HDGFL3: variants seen among roughly 807,000 people sequenced by gnomAD.
HDGFL3 encodes the protein hepatoma-derived growth factor-related protein 3.
HDGFL3 carries 6 observed loss-of-function variants against 27.6 expected under a neutral mutation model. The ratio of observed to expected loss-of-function variants is 0.22; its 90% CI spans 0.12 to 0.43. The LOEUF (loss-of-function observed/expected upper bound fraction) is 0.43, where lower values mean the gene tolerates loss of function less well. HDGFL3 is among the 20% of genes least tolerant of loss of function. The pLI is 1.00. For synonymous variants in HDGFL3, 88 were observed against 88.9 expected (o/e 0.99, Z 0.05); for missense variants, 207 against 250.1 (o/e 0.83, Z 1.16).
rs1308885598 is a variant in HDGFL3 at position 83,207,618 on chromosome 15, C to T, written c.-204G>A. The T allele has an allele frequency of 1.1e-5, 3 of 269,542 alleles. No homozygotes were observed. Among genetic ancestry groups the T allele is most frequent in the South Asian group, 1.5e-4 (1 of 6,674 alleles). 16.7% of individuals were successfully genotyped at this position (269,542 alleles called of 1,614,324 possible). A position where few individuals can be genotyped will look rare whatever the true frequency, so the allele number is the denominator to read the frequency against. On this transcript the variant is annotated 5_prime_UTR_variant, in exon 1 of 6. Coordinates refer to ENST00000299633, the MANE Select transcript of HDGFL3 (RefSeq NM_016073.4). This position sits in a 1 kb window ranked among gnomAD's most constrained non-coding sequence, Gnocchi z 4.8. ...GCAGCAGGCCCGGCAAATCACGGCCCGGCAGCGGGGGAGGGGAGCCCCCGG... is the reference window on the plus strand; with the variant it reads ...GCAGCAGGCCCGGCAAATCACGGCCTGGCAGCGGGGGAGGGGAGCCCCCGG...
intron 1 of HDGFL3, among the ~76,000 whole-genome samples, chr15:83,206,185 G>C (rs56352317): frequency 1.3e-5 from 2 of 152,016 alleles, no homozygotes; most frequent in Admixed American, 1.3e-4. Context: ...ATTTCAGTCT[G>C]GCCACTCGTG....
intron 5 of HDGFL3, among the ~76,000 whole-genome samples, chr15:83,141,005 C>G (rs1023258148): frequency 6.6e-6 from 1 of 152,070 alleles, no homozygotes; most frequent in Non-Finnish European, 1.5e-5. Flanking sequence ...TTTTTGTGGT[C>G]TTTAAACAAG....
chr15:83,124,803 A>C (rs1245497409), downstream of HDGFL3: 3 of 1,533,638 alleles, frequency 2.0e-6, no homozygotes, highest in Non-Finnish European at 2.7e-6. Flanking sequence ...ATAATAACGT[A>C]ACATTGTGAT....
At chr15:83,151,508 G>A in intron 4 of HDGFL3, 147 bp from the exon 5 acceptor site, 1 of 626,116 alleles carries the variant, frequency 1.6e-6, no homozygotes, top group Non-Finnish European at 2.6e-6. Context: ...TGCCAAGGCT[G>A]AGCTAGGTGA....
intron 1 of HDGFL3, among the ~76,000 whole-genome samples, chr15:83,172,956 T>C (rs1399991887): frequency 2.6e-5 from 4 of 152,168 alleles, no homozygotes; most frequent in Non-Finnish European, 4.4e-5. Flanking sequence ...GGGGTTGTCT[T>C]GCTGTCTCAG....
intron 3 of HDGFL3, among the ~76,000 whole-genome samples, chr15:83,118,425 G>C (rs1371005467): frequency 2.0e-5 from 3 of 152,216 alleles, no homozygotes; most frequent in Non-Finnish European, 4.4e-5. Flanking sequence ...CTGGCTCAGA[G>C]AGCCAGGTGT....
At chr15:83,124,091 T>TG (rs2035511487), downstream of HDGFL3, among the ~76,000 whole-genome samples, 1 of 152,218 alleles carries the variant, frequency 6.6e-6, no homozygotes, top group African/African-American at 2.4e-5. Context: ...TATCCAACAG[T>TG]GGGAGAATGG....
In HDGFL3 at chr15:83,136,384, C is replaced by T. The variant is rs2036607114; in HGVS notation, c.*2886G>A. ...CTGCAGGTGAGACTGGTTTTGAGGG[C>T]ACAGAAACGTAGCCTGAATGAACCA... On this transcript the variant is annotated 3_prime_UTR_variant, in exon 6 of 6. Coordinates refer to ENST00000299633, the MANE Select transcript of HDGFL3 (RefSeq NM_016073.4). 13 of 1,047,408 alleles carry T rather than the reference C, an allele frequency of 1.2e-5. No individual in the cohort carries two copies. In the Admixed American group the frequency reaches 4.0e-4, roughly 32 times the overall value. 64.9% of individuals were successfully genotyped at this position (1,047,408 alleles called of 1,614,324 possible).
downstream of HDGFL3, among the ~76,000 whole-genome samples, chr15:83,125,150 T>A (rs550357550): frequency 5.9e-5 from 9 of 152,320 alleles, no homozygotes; most frequent in East Asian, 1.7e-3. Flanking sequence ...AGCATCCCTG[T>A]GTTCTCAGGA....
chr15:83,143,573 C>T (rs910867421), intron 5 of HDGFL3, among the ~76,000 whole-genome samples: 2 of 152,278 alleles, frequency 1.3e-5, no homozygotes, highest in South Asian at 2.1e-4. Flanking sequence ...CAGAGCGAAA[C>T]TCCATCTCAA....
At chr15:83,156,555 T>C (rs1280525900) in intron 4 of HDGFL3, among the ~76,000 whole-genome samples, 1 of 152,162 alleles carries the variant, frequency 6.6e-6, no homozygotes, top group Non-Finnish European at 1.5e-5. Flanking sequence ...AAATATATCT[T>C]TTTACAGTCA....
chr15:83,191,104 T>C lies in HDGFL3; in HGVS notation c.84+16227A>G, dbSNP rs1047214939. 2.6e-5 allele frequency among the ~76,000 whole-genome samples: 4 copies of C among 152,204 alleles called. No homozygotes were observed. The East Asian group carries it at 7.7e-4, about 29-fold the overall frequency. ...TGTGGGCCGGTTTCTGTATTCACTT[T>C]CTATTCTGCTGGTTAATACATCTCT... On this transcript the variant is annotated intron_variant, in intron 1 of 5. Coordinates refer to ENST00000299633, the MANE Select transcript of HDGFL3 (RefSeq NM_016073.4).
chr15:83,147,098 C>G (rs1352276446), intron 5 of HDGFL3, among the ~76,000 whole-genome samples: 4 of 151,702 alleles, frequency 2.6e-5, no homozygotes, highest in African/African-American at 9.7e-5. Context: ...GAATCTCGCT[C>G]TGTCACCAGG....
chr15:83,137,467 C>T lies in HDGFL3; in HGVS notation c.*1803G>A, dbSNP rs1432861537. The T allele has an allele frequency of 2.0e-5, 3 of 151,992 alleles. No individual in the cohort carries two copies. Among genetic ancestry groups the T allele is most frequent in the African/African-American group, 7.2e-5 (3 of 41,392 alleles). The allele number at this position is 151,992 out of a possible 1,614,324, so 9.4% of individuals were successfully genotyped here. A position where few individuals can be genotyped will look rare whatever the true frequency, so the allele number is the denominator to read the frequency against. ...CAATTCAAAATGCCATCTACATTCCCCTTATGTTTCAGTGTGAGCAATGAA... is the reference window on the plus strand; with the variant it reads ...CAATTCAAAATGCCATCTACATTCCTCTTATGTTTCAGTGTGAGCAATGAA... On this transcript the variant is annotated 3_prime_UTR_variant, in exon 6 of 6. Coordinates refer to ENST00000299633, the MANE Select transcript of HDGFL3 (RefSeq NM_016073.4).
intron 1 of HDGFL3, among the ~76,000 whole-genome samples, chr15:83,202,684 C>T (rs185008084): frequency 3.3e-5 from 5 of 152,166 alleles, no homozygotes; most frequent in Admixed American, 6.5e-5. Context: ...CAGTATAGTG[C>T]ACAAATCTTA....
At chr15:83,172,326 C>T (rs1265215106) in intron 1 of HDGFL3, among the ~76,000 whole-genome samples, 1 of 152,106 alleles carries the variant, frequency 6.6e-6, no homozygotes, top group Non-Finnish European at 1.5e-5. Flanking sequence ...TAGCCTCCAG[C>T]ACTGTGAAGA....
chr15:83,120,270 G>A (rs921140991), intron 3 of HDGFL3, among the ~76,000 whole-genome samples: 10 of 152,232 alleles, frequency 6.6e-5, no homozygotes, highest in African/African-American at 2.2e-4. Flanking sequence ...ACACATGTGA[G>A]TTCTTTAGAG....
At chr15:83,160,838 T>C (rs760524167) in intron 2 of HDGFL3, among the ~76,000 whole-genome samples, 55 of 152,166 alleles carry the variant, frequency 3.6e-4, no homozygotes, top group Non-Finnish European at 6.8e-4. Context: ...TTCAAGTTCA[T>C]TAAAACTCCT....
At chr15:83,178,662 T>C (rs1158173798) in intron 1 of HDGFL3, among the ~76,000 whole-genome samples, 2 of 151,724 alleles carry the variant, frequency 1.3e-5, no homozygotes, top group Non-Finnish European at 2.9e-5. Context: ...TCTCAAAAAA[T>C]AAAGAAGAAA....
Sources: allele counts gnomAD v4.1 joint callset (sites outside exome capture counted in the v4.1 genomes callset), GRCh38; gene constraint gnomAD v4.1.1; non-coding constraint Gnocchi (gnomAD v3.1); transcripts MANE v1.5; gene names NCBI Gene and HGNC (gene_info 2026-07-23, HGNC 2026-07-21).